GFRA1: variants seen among roughly 807,000 people sequenced by gnomAD.
GFRA1 encodes GDNF family receptor alpha-1.
In GFRA1, 16 loss-of-function variants were observed where a neutral mutation model predicts 51.6. The ratio of observed to expected loss-of-function variants is 0.31; its 90% confidence interval spans 0.21 to 0.47. GFRA1 has a LOEUF of 0.47. Ranked by LOEUF, GFRA1 falls within the 20% of genes least tolerant of loss-of-function variation. GFRA1 has a pLI of 1.00. For missense variants in GFRA1, 530 were observed against 594.3 expected, an observed-to-expected ratio of 0.89 and a Z score of 1.13; for synonymous variants, 270 against 241.3, an observed-to-expected ratio of 1.12 and a Z score of -1.10.
chr10:116,088,940 A>AG (rs1956216528), intron 9 of GFRA1, among the ~76,000 whole-genome samples: 1 of 151,208 alleles, frequency 6.6e-6, no homozygotes, highest in African/African-American at 2.4e-5. Flanking sequence ...AAAAAAAAAA[A>AG]AAAAAAAAAG....
At chr10:116,261,277 G>T (rs959544597) in intron 4 of GFRA1, among the ~76,000 whole-genome samples, 4 of 152,194 alleles carry the variant, frequency 2.6e-5, no homozygotes, top group African/African-American at 9.7e-5. Context: ...GACAATTTAT[G>T]TTGCATTGTC....
At chr10:116,109,986 C>G (rs1274338047) in intron 6 of GFRA1, among the ~76,000 whole-genome samples, 1 of 152,066 alleles carries the variant, frequency 6.6e-6, no homozygotes. Context: ...GCACAGAGTT[C>G]AGTGCTCAGT....
At chr10:116,173,358 G>A (rs1475067564) in intron 5 of GFRA1, among the ~76,000 whole-genome samples, 1 of 152,078 alleles carries the variant, frequency 6.6e-6, no homozygotes, top group Non-Finnish European at 1.5e-5. Context: ...GGGTTGATGG[G>A]GGTATGATGT....
At chr10:116,184,513 C>G (rs995411892) in intron 5 of GFRA1, among the ~76,000 whole-genome samples, 3 of 152,238 alleles carry the variant, frequency 2.0e-5, no homozygotes, top group East Asian at 3.8e-4. Flanking sequence ...CAGGGACCTG[C>G]GGCCCTGGGT....
chr10:116,106,543 A>ATCCCTCATGG (rs1957012844), intron 6 of GFRA1, among the ~76,000 whole-genome samples: 1 of 151,666 alleles, frequency 6.6e-6, no homozygotes. Flanking sequence ...CTGGGGGCAG[A>ATCCCTCATGG]CTTCTCATGA....
intron 4 of GFRA1, among the ~76,000 whole-genome samples, chr10:116,244,011 TATAGATGACTGC>T (rs1366919250): frequency 2.0e-5 from 3 of 151,974 alleles, no homozygotes; most frequent in Non-Finnish European, 4.4e-5. Flanking sequence ...GCAAAGAAAA[TATAGATGACTGC>T]ATAAGGTTGC....
chr10:116,127,273 G>A lies in GFRA1; in HGVS notation c.434-1716C>T, dbSNP rs1440920195. On this transcript the variant is annotated intron_variant, in intron 5 of 10. Transcript: ENST00000355422. ...ATTGCATGCAAAATGTTCTTGCTAC[G>A]ATTAAAAATATTGTACATAAATAGA... Among the ~76,000 whole-genome samples, 15 of 152,094 alleles carry A rather than the reference G, an allele frequency of 9.9e-5. No homozygotes were observed. In the East Asian group the frequency reaches 2.7e-3, roughly 27 times the overall value.
chr10:116,216,401 C>T lies in GFRA1; in HGVS notation c.419-4756G>A, dbSNP rs563295858. Among the ~76,000 whole-genome samples the T allele has an allele frequency of 6.2e-4, 94 of 152,264 alleles. 1 individual carries two copies. In the Middle Eastern group the frequency reaches 0.01, roughly 17 times the overall value. The stretch of plus-strand genomic sequence containing the variant: ...TTTATGAGGAGAACTGGATGGCAGT[C>T]TTATTGCCCATTCAGTCTGCTAGGA... On this transcript the variant is annotated intron_variant, in intron 4 of 10. Coordinates refer to ENST00000355422, the MANE Select transcript of GFRA1 (RefSeq NM_005264.8).
At chr10:116,188,806 A>ATGTT (rs1219513244) in intron 5 of GFRA1, among the ~76,000 whole-genome samples, 2 of 151,808 alleles carry the variant, frequency 1.3e-5, no homozygotes, top group Non-Finnish European at 2.9e-5. Flanking sequence ...AGGCTGAGGC[A>ATGTT]CGAGAATCAC....
Position 116,059,143 on chromosome 10 carries a change from A to C in GFRA1, c.*5255T>G, listed in dbSNP as rs2133729856. On this transcript the variant is annotated 3_prime_UTR_variant, in exon 11 of 11. Transcript: ENST00000355422. ...AGCTCAATGCCAGGAATACGATGCC[A>C]ATAGGCCAGTTCTTGCTACCGTATG... 6.6e-6 allele frequency: 1 copy of C among 152,376 alleles called. No individual in the cohort carries two copies. The highest frequency in any genetic ancestry group is 1.9e-4 in the East Asian group (1 of 5,182). The allele number at this position is 152,376 out of a possible 1,614,324, so 9.4% of individuals were successfully genotyped here.
chr10:116,166,600 G>A (rs1336810313), intron 5 of GFRA1, among the ~76,000 whole-genome samples: 7 of 151,616 alleles, frequency 4.6e-5, no homozygotes, highest in South Asian at 2.1e-4. Flanking sequence ...CCTGACCCTC[G>A]GTCTTACTGT....
intron 5 of GFRA1, among the ~76,000 whole-genome samples, chr10:116,206,917 C>G (rs1224149101): frequency 1.3e-5 from 2 of 152,098 alleles, no homozygotes; most frequent in African/African-American, 4.8e-5. Context: ...CAGGCGTGAG[C>G]CACCGCACCC....
intron 9 of GFRA1, among the ~76,000 whole-genome samples, chr10:116,068,470 A>G (rs1589760689): frequency 6.6e-6 from 1 of 152,136 alleles, no homozygotes; most frequent in African/African-American, 2.4e-5. Context: ...TCTAGACTGG[A>G]TGGGGTCAAC....
intron 6 of GFRA1, among the ~76,000 whole-genome samples, chr10:116,111,510 C>T (rs1235139139): frequency 2.0e-5 from 3 of 152,186 alleles, no homozygotes; most frequent in Non-Finnish European, 2.9e-5. Context: ...TCCTGGGCTG[C>T]GATGCGCCCT....
At chr10:116,202,614 A>T (rs1964425838) in intron 5 of GFRA1, among the ~76,000 whole-genome samples, 2 of 152,114 alleles carry the variant, frequency 1.3e-5, no homozygotes, top group Admixed American at 6.5e-5. Context: ...ACTTACAATC[A>T]TGGTGGAAGG....
At chr10:116,112,008 C>T (rs1404918553) in intron 6 of GFRA1, among the ~76,000 whole-genome samples, 1 of 152,196 alleles carries the variant, frequency 6.6e-6, no homozygotes, top group East Asian at 1.9e-4. Context: ...TCCTACTGAA[C>T]CAGTGAACAA....
At chr10:116,097,419 G>GGCT (rs1956646303) in intron 6 of GFRA1, among the ~76,000 whole-genome samples, 1 of 152,226 alleles carries the variant, frequency 6.6e-6, no homozygotes, top group South Asian at 2.1e-4. Flanking sequence ...TGCCTGGAGA[G>GGCT]GCTGCTGCAA....
intron 5 of GFRA1, among the ~76,000 whole-genome samples, chr10:116,154,704 C>A (rs1959169581): frequency 6.6e-6 from 1 of 152,182 alleles, no homozygotes; most frequent in African/African-American, 2.4e-5. Flanking sequence ...TGAATGGCAA[C>A]TGAAGTTAAC....
At chr10:116,263,784 T>C (rs897665359) in intron 4 of GFRA1, among the ~76,000 whole-genome samples, 2 of 151,888 alleles carry the variant, frequency 1.3e-5, no homozygotes, top group Non-Finnish European at 2.9e-5. Flanking sequence ...AGAGTTCAAG[T>C]GAGAGATAAG....
Sources: gnomAD v4.1 joint callset for allele counts (sites outside exome capture counted in the v4.1 genomes callset) on GRCh38, gnomAD v4.1.1 for gene constraint, MANE v1.5 for transcripts, NCBI Gene and HGNC (gene_info 2026-07-23, HGNC 2026-07-21) for gene names.